TMEM14A: variants seen among roughly 807,000 people sequenced by gnomAD.
The protein encoded by TMEM14A is transmembrane protein 14A.
A neutral mutation model predicts 11.6 loss-of-function variants in TMEM14A; 8 were observed. That is an observed-to-expected ratio of 0.69 (90% CI 0.40 to 1.24). The LOEUF is 1.24. Ranked by LOEUF, TMEM14A falls within the 50% of genes most tolerant of loss-of-function variation. TMEM14A has a pLI of 0.01. For synonymous variants in TMEM14A, 34 were observed against 45.5 expected, an observed-to-expected ratio of 0.75 and a Z score of 1.02; for missense variants, 108 against 121.9, an observed-to-expected ratio of 0.89 and a Z score of 0.54.
chr6:52,683,022 T>C (rs181990018), intron 3 of TMEM14A, among the ~76,000 whole-genome samples: 1 of 152,246 alleles, frequency 6.6e-6, no homozygotes, highest in Non-Finnish European at 1.5e-5. Context: ...ATACATTAAC[T>C]ATTTTCTTTA....
rs112059426 is a variant in TMEM14A at position 52,681,021 on chromosome 6, G to A, written c.71-792G>A. Among the ~76,000 whole-genome samples the A allele has an allele frequency of 3.5e-3, 529 of 151,936 alleles. 3 individuals carry two copies. The highest frequency in any genetic ancestry group is 0.012 in the African/African-American group (513 of 41,460). On this transcript the variant is annotated intron_variant, in intron 2 of 4. Coordinates refer to ENST00000211314, the MANE Select transcript of TMEM14A (RefSeq NM_014051.4). ...CCAATGGATATTTTAAAAATGAGAT[G>A]CTTTGACCCTACCCCCCAGGGATTT...
chr6:52,681,114 T>A (rs903260590), intron 2 of TMEM14A, among the ~76,000 whole-genome samples: 1 of 152,114 alleles, frequency 6.6e-6, no homozygotes, highest in African/African-American at 2.4e-5. Flanking sequence ...ATTCATAGTG[T>A]CACTGCCATG....
Position 52,681,889 on chromosome 6 carries a change from C to T in TMEM14A, c.147C>T (p.Asp49=), listed in dbSNP as rs1769398222. ...ATGGAGCTTACCGTGTCTCCAATGA[C>T]AAACGAGATGTAAAAGTGTCACTGT... ...AGYGAYRVSN[D]KRDVKVSLFT... is the part of the protein sequence containing the mutation. The change falls in exon 3 of 5, where the codon GAC becomes GAT. Residue 49 remains aspartate (D), a synonymous_variant. Coordinates refer to ENST00000211314, the MANE Select transcript of TMEM14A (RefSeq NM_014051.4). 1 of 1,613,896 alleles carries T rather than the reference C, an allele frequency of 6.2e-7. No individual in the cohort carries two copies. The highest frequency in any genetic ancestry group is 1.7e-5 in the Admixed American group (1 of 59,984).
At chr6:52,682,918 C>A (rs1318935530) in intron 3 of TMEM14A, among the ~76,000 whole-genome samples, 3 of 152,084 alleles carry the variant, frequency 2.0e-5, no homozygotes, top group Non-Finnish European at 4.4e-5. Flanking sequence ...AGTCTCCAGG[C>A]ATCAAATTCT....
intron 1 of TMEM14A, among the ~76,000 whole-genome samples, chr6:52,674,829 A>G (rs1476366119): frequency 6.7e-6 from 1 of 149,328 alleles, no homozygotes; most frequent in East Asian, 2.0e-4. Flanking sequence ...TCCCTCCCCC[A>G]TACCCTTCCT....
At chr6:52,677,578 C>T (rs949501027) in intron 2 of TMEM14A, among the ~76,000 whole-genome samples, 1 of 151,714 alleles carries the variant, frequency 6.6e-6, no homozygotes, top group African/African-American at 2.4e-5. Flanking sequence ...TTATCATATC[C>T]AAAGTTGTCT....
chr6:52,682,103 C>T (rs1769402556), intron 3 of TMEM14A, among the ~76,000 whole-genome samples, 189 bp downstream of exon 3: 1 of 152,152 alleles, frequency 6.6e-6, no homozygotes, highest in South Asian at 2.1e-4. Flanking sequence ...TGCTACCAGG[C>T]CTTCCAACTC....
chr6:52,680,585 T>TATATATATATATA (rs1561874901), intron 2 of TMEM14A, among the ~76,000 whole-genome samples: 10 of 33,242 alleles, frequency 3.0e-4, no homozygotes, highest in South Asian at 2.2e-3. Context: ...CACTATATAT[T>TATATATATATATA]TATATATTTA....
Position 52,681,859 on chromosome 6 carries a change from C to T in TMEM14A, c.117C>T (p.Ala39=), listed in dbSNP as rs374865341. 151 of 1,613,916 alleles carry T rather than the reference C, an allele frequency of 9.4e-5. No homozygotes were observed. The highest frequency in any genetic ancestry group is 5.8e-4 in the South Asian group (53 of 91,072). The part of the protein sequence containing the change: ...LIAGLFVGCL[A]GYGAYRVSND... Reference sequence around the variant, plus strand: ...CTGGTCTTTTTGTTGGATGTTTGGCCGGCTATGGAGCTTACCGTGTCTCCA... The same window carrying T: ...CTGGTCTTTTTGTTGGATGTTTGGCTGGCTATGGAGCTTACCGTGTCTCCA... The change falls in exon 3 of 5, where the codon GCC becomes GCT. Residue 39 remains alanine (A), a synonymous_variant. Coordinates refer to ENST00000211314, the MANE Select transcript of TMEM14A (RefSeq NM_014051.4).
chr6:52,685,883 G>C, intron 4 of TMEM14A, 127 bp from the exon 5 acceptor site: 3 of 692,842 alleles, frequency 4.3e-6, no homozygotes, highest in African/African-American at 1.8e-5. Flanking sequence ...TCCTCCAAGG[G>C]GTTGAGCTGG....
At chr6:52,683,159 G>A (rs781167218) in intron 3 of TMEM14A, among the ~76,000 whole-genome samples, 4 of 152,078 alleles carry the variant, frequency 2.6e-5, no homozygotes, top group Non-Finnish European at 4.4e-5. Flanking sequence ...AGAAATTTAG[G>A]TTAGAAAAAG....
At chr6:52,681,790 C>G (rs769727616) in intron 2 of TMEM14A, 23 bp from the exon 3 acceptor site, 11 of 1,594,864 alleles carry the variant, frequency 6.9e-6, no homozygotes, top group South Asian at 5.5e-5. Flanking sequence ...TCTTTGTGAT[C>G]TCATATTTTT....
chr6:52,685,591 G>T (rs201196339), intron 4 of TMEM14A, among the ~76,000 whole-genome samples: 1 of 146,304 alleles, frequency 6.8e-6, no homozygotes, highest in East Asian at 2.0e-4. Flanking sequence ...TCAGAAAAAA[G>T]AAAAAAAAAA....
intron 2 of TMEM14A, among the ~76,000 whole-genome samples, chr6:52,678,485 C>T (rs1181589833): frequency 3.3e-5 from 5 of 152,140 alleles, no homozygotes; most frequent in Non-Finnish European, 7.3e-5. Flanking sequence ...TGTCCACCTG[C>T]ACAATATGGT....
chr6:52,680,651 G>GTGTGTATATATA (rs1769356002), intron 2 of TMEM14A, among the ~76,000 whole-genome samples: 16 of 10,106 alleles, frequency 1.6e-3, no homozygotes, highest in African/African-American at 4.8e-3. Context: ...GTATATATAT[G>GTGTGTATATATA]TGTGTGTATA....
At chr6:52,678,641 A>G (rs895727488) in intron 2 of TMEM14A, among the ~76,000 whole-genome samples, 3 of 152,156 alleles carry the variant, frequency 2.0e-5, no homozygotes, top group African/African-American at 7.2e-5. Flanking sequence ...TCCAGTCTTG[A>G]CGCTGCCACT....
chr6:52,677,082 T>G lies in TMEM14A; in HGVS notation c.-16-5T>G. On this transcript the variant is annotated splice_polypyrimidine_tract_variant and splice_region_variant and intron_variant, in intron 1 of 4. Transcript: ENST00000211314. ...GTATAATTTGTCCTTTCCCCCTTGC[T>G]TTAGAATTGCAACCTTGCCAATGGA... 1 of 1,614,064 alleles carries G rather than the reference T, an allele frequency of 6.2e-7. No individual in the cohort carries two copies. The highest frequency in any genetic ancestry group is 1.7e-4 in the Middle Eastern group (1 of 6,060).
chr6:52,672,337 TG>T (rs1028749471), intron 1 of TMEM14A, among the ~76,000 whole-genome samples: 1 of 142,574 alleles, frequency 7.0e-6, no homozygotes, highest in South Asian at 2.6e-4. Flanking sequence ...CAGGAAGAGC[TG>T]GGGGGCTCAG....
At chr6:52,676,322 G>A (rs865998741) in intron 1 of TMEM14A, among the ~76,000 whole-genome samples, 3 of 152,070 alleles carry the variant, frequency 2.0e-5, no homozygotes, top group Non-Finnish European at 4.4e-5. Context: ...GCACAATCAC[G>A]GCTCATTGCA....
Sources: allele counts gnomAD v4.1 joint callset (sites outside exome capture counted in the v4.1 genomes callset), GRCh38; gene constraint gnomAD v4.1.1; transcripts MANE v1.5; gene names NCBI Gene and HGNC (gene_info 2026-07-23, HGNC 2026-07-21).